Variants in RTL9 observed in about 807,000 individuals in gnomAD.
The protein encoded by RTL9 is retrotransposon Gag-like protein 9.
In RTL9, 19 loss-of-function variants were observed where a neutral mutation model predicts 44.7. The ratio of observed to expected loss-of-function variants is 0.42; its 90% CI spans 0.30 to 0.62. The LOEUF (loss-of-function observed/expected upper bound fraction) is 0.62, where lower values mean the gene tolerates loss of function less well. Ranked by LOEUF, RTL9 falls within the 20% of genes least tolerant of loss-of-function variation. RTL9 has a pLI of 0.16. For missense variants in RTL9, 1,105 were observed against 1,080.6 expected (o/e 1.02, Z -0.32); for synonymous variants, 407 against 398.9 (o/e 1.02, Z -0.24).
chrX:110,435,382 G>T (rs2068831168), intron 1 of RTL9, among the ~76,000 whole-genome samples: 1 of 112,298 alleles, frequency 8.9e-6, no homozygotes, highest in African/African-American at 3.2e-5. Context: ...CAGTGCCACT[G>T]ACTGCGTCTC....
exon 1 of RTL9, chrX:110,454,127 T>C: frequency 8.3e-7 from 1 of 1,211,656 alleles, no homozygotes; most frequent in Non-Finnish European, 1.1e-6. Flanking sequence ...AGATGGAGAT[T>C]GATGAGGAGA....
chrX:110,368,215 G>A (rs2068312000), intron 1 of RTL9, among the ~76,000 whole-genome samples: 1 of 109,531 alleles, frequency 9.1e-6, no homozygotes, highest in African/African-American at 3.3e-5. Flanking sequence ...TTCTTACTTG[G>A]ATCATTACAT....
intron 1 of RTL9, among the ~76,000 whole-genome samples, chrX:110,371,268 G>A (rs1179512861): frequency 1.8e-5 from 2 of 109,688 alleles, no homozygotes; most frequent in African/African-American, 3.3e-5. Flanking sequence ...TTTAGTTATT[G>A]TGGGTACATA....
At chrX:110,388,936 G>A (rs1181289703) in intron 1 of RTL9, among the ~76,000 whole-genome samples, 2 of 112,391 alleles carry the variant, frequency 1.8e-5, no homozygotes, top group Admixed American at 9.4e-5. Flanking sequence ...TCAGATTCCA[G>A]TACCAGGGGT....
At chrX:110,400,133 A>C (rs2068554314) in intron 1 of RTL9, among the ~76,000 whole-genome samples, 2 of 108,597 alleles carry the variant, frequency 1.8e-5, no homozygotes, top group Non-Finnish European at 3.8e-5. Flanking sequence ...AAGTTTTGGC[A>C]GCGCAGTAAA....
chrX:110,402,251 T>G (rs1436445806), intron 1 of RTL9, among the ~76,000 whole-genome samples: 1 of 113,189 alleles, frequency 8.8e-6, no homozygotes, highest in East Asian at 2.8e-4. Flanking sequence ...CTGATGAGCA[T>G]GAAGAAGGCT....
intron 1 of RTL9, among the ~76,000 whole-genome samples, chrX:110,438,747 G>A (rs1401531955): frequency 7.2e-5 from 8 of 111,167 alleles, no homozygotes; most frequent in Non-Finnish European, 1.9e-5. Context: ...AGCCCTTTTA[G>A]AACACAAATT....
chrX:110,384,528 T>G (rs2068441594), intron 1 of RTL9, among the ~76,000 whole-genome samples: 1 of 111,856 alleles, frequency 8.9e-6, no homozygotes, highest in African/African-American at 3.3e-5. Context: ...CCCTTTGCAT[T>G]TAACTTAATA....
intron 1 of RTL9, chrX:110,426,560 C>G (rs750331778): frequency 8.9e-6 from 1 of 112,284 alleles, no homozygotes; most frequent in South Asian, 3.7e-4. Flanking sequence ...GAATTCCTTA[C>G]CTATGCGTGA....
At chrX:110,409,206 G>C (rs1332058493) in intron 1 of RTL9, among the ~76,000 whole-genome samples, 1 of 110,605 alleles carries the variant, frequency 9.0e-6, no homozygotes, top group Non-Finnish European at 1.9e-5. Flanking sequence ...TTTTGAGACG[G>C]GGACTTTTGA....
chrX:110,454,853 A>G (rs2068971299), intron 1 of RTL9, among the ~76,000 whole-genome samples, 189 bp downstream of exon 3: 1 of 111,787 alleles, frequency 8.9e-6, no homozygotes, highest in Admixed American at 9.5e-5. Context: ...TATATTAACT[A>G]CTTTGAGGAG....
chrX:110,414,153 T>C (rs368746959), upstream of RTL9, among the ~76,000 whole-genome samples: 31 of 112,635 alleles, frequency 2.8e-4, no homozygotes, highest in East Asian at 2.0e-3. Flanking sequence ...TTTCCTCCTC[T>C]GTGCTTATGC....
At chrX:110,408,680 T>G (rs1602979180) in intron 1 of RTL9, among the ~76,000 whole-genome samples, 1 of 112,381 alleles carries the variant, frequency 8.9e-6, no homozygotes, top group African/African-American at 3.2e-5. Flanking sequence ...ACAATTGTGA[T>G]GTTGCTTTTG....
chrX:110,452,584 C>T lies in RTL9; in HGVS notation c.1967C>T (p.Pro656Leu), dbSNP rs755545973. 21 of 1,209,495 alleles carry T rather than the reference C, an allele frequency of 1.7e-5. No individual in the cohort carries two copies. Among genetic ancestry groups the T allele is most frequent in the East Asian group, 3.0e-5 (1 of 33,729 alleles). ...ACAGTTTCTGGAGCTCTGTCCATGC[C>T]GCAAATGACAGACACAGCCTCTGGA... Residue 656 changes from proline (P) to leucine (L), a missense_variant, in exon 1 of 2, where the codon CCG becomes CTG. Physicochemically the swap from Pro to Leu is moderately conservative, Grantham distance 98. Transcript: ENST00000540313.
In RTL9 at chrX:110,454,406, G is replaced by T. The variant is rs755061164; in HGVS notation, c.3789G>T (p.Leu1263Phe). 5.8e-6 allele frequency: 7 copies of T among 1,210,766 alleles called. No individual in the cohort carries two copies. In the South Asian group the frequency reaches 8.8e-5, roughly 15 times the overall value. Reference sequence around the variant, plus strand: ...ACTTCCTGCTGCTGGCCCGACATTTGTCTTGGTCTGATGCCATTCTACGGA... The same window carrying T: ...ACTTCCTGCTGCTGGCCCGACATTTTTCTTGGTCTGATGCCATTCTACGGA... The change falls in exon 1 of 2, where the codon TTG becomes TTT. Residue 1263 changes from leucine (L) to phenylalanine (F), a missense_variant. Coordinates refer to ENST00000540313, the Ensembl canonical transcript of RTL9.
At chrX:110,388,661 A>G (rs148145238) in intron 1 of RTL9, among the ~76,000 whole-genome samples, 1 of 112,532 alleles carries the variant, frequency 8.9e-6, no homozygotes, top group Non-Finnish European at 1.9e-5. Context: ...ACAGATTGCT[A>G]TATCCCACCC....
intron 1 of RTL9, among the ~76,000 whole-genome samples, chrX:110,400,941 C>T (rs1196571889): frequency 1.8e-5 from 2 of 112,055 alleles, no homozygotes; most frequent in East Asian, 5.6e-4. Flanking sequence ...TAAATTTGGA[C>T]TCCCTTTTCT....
At chrX:110,372,137 G>T (rs1271426302) in intron 1 of RTL9, among the ~76,000 whole-genome samples, 1 of 111,805 alleles carries the variant, frequency 8.9e-6, no homozygotes. Flanking sequence ...TCTGTGTTTA[G>T]ATCTTGGGCT....
chrX:110,419,269 G>C (rs914408411), intron 1 of RTL9: 1 of 112,237 alleles, frequency 8.9e-6, no homozygotes, highest in African/African-American at 3.2e-5. Context: ...CAACATTCTC[G>C]GTCTTTTCTC....
Sources: allele counts gnomAD v4.1 joint callset (sites outside exome capture counted in the v4.1 genomes callset), GRCh38; gene constraint gnomAD v4.1.1; transcripts MANE v1.5; gene names NCBI Gene and HGNC (gene_info 2026-07-23, HGNC 2026-07-21).